The following GSK3B variants were observed in gnomAD, a reference collection of about 807,000 sequenced individuals.
The protein encoded by GSK3B is glycogen synthase kinase-3 beta.
Under a neutral mutation model 56.4 loss-of-function variants are expected in GSK3B, and 15 were observed. The observed-to-expected ratio is 0.27, with a 90% CI of 0.18 to 0.41. The LOEUF (loss-of-function observed/expected upper bound fraction) is 0.41. GSK3B is among the 10% of genes least tolerant of loss of function. The pLI, the probability that GSK3B is intolerant of heterozygous loss-of-function variation, is 1.00. For missense variants in GSK3B, 300 were observed against 513.4 expected (o/e 0.58, Z 4.02); for synonymous variants, 181 against 188.9 (o/e 0.96, Z 0.34).
chr3:120,046,192 A>T (rs2058101467), intron 1 of GSK3B, among the ~76,000 whole-genome samples: 3 of 152,230 alleles, frequency 2.0e-5, no homozygotes, highest in Admixed American at 2.0e-4. Context: ...TCGTGGATAC[A>T]TGACATTATG....
chr3:119,900,899 T>G (rs1329491324), intron 7 of GSK3B, among the ~76,000 whole-genome samples: 1 of 152,178 alleles, frequency 6.6e-6, no homozygotes, highest in Non-Finnish European at 1.5e-5. Flanking sequence ...CATGATGTGC[T>G]AGAACAGTAA....
chr3:120,011,836 T>C (rs1389858137), intron 1 of GSK3B, among the ~76,000 whole-genome samples: 1 of 152,222 alleles, frequency 6.6e-6, no homozygotes, highest in African/African-American at 2.4e-5. Flanking sequence ...ATCCCATTCA[T>C]TGTTTCATCT....
At chr3:119,886,932 T>C (rs1344278629) in intron 7 of GSK3B, among the ~76,000 whole-genome samples, 2 of 152,018 alleles carry the variant, frequency 1.3e-5, no homozygotes, top group African/African-American at 2.4e-5. Flanking sequence ...GAAAAGATCA[T>C]TCATACCTCA....
chr3:119,936,381 C>T (rs2056995396), intron 3 of GSK3B, among the ~76,000 whole-genome samples: 1 of 146,408 alleles, frequency 6.8e-6, no homozygotes, highest in Non-Finnish European at 1.5e-5. Flanking sequence ...AAGTCTCGCT[C>T]TGTCACCCAG....
chr3:119,870,594 CAAAT>C, intron 8 of GSK3B, among the ~76,000 whole-genome samples: 1 of 151,816 alleles, frequency 6.6e-6, no homozygotes, highest in East Asian at 1.9e-4. Context: ...TTCCAGCAAA[CAAAT>C]AAAAATATAT....
chr3:119,898,565 T>C (rs1389549179), intron 7 of GSK3B, among the ~76,000 whole-genome samples: 1 of 152,142 alleles, frequency 6.6e-6, no homozygotes, highest in African/African-American at 2.4e-5. Flanking sequence ...GGGTATCAAG[T>C]TGACATTAAG....
At chr3:119,848,239 G>C (rs1202695971) in intron 9 of GSK3B, among the ~76,000 whole-genome samples, 1 of 152,054 alleles carries the variant, frequency 6.6e-6, no homozygotes, top group African/African-American at 2.4e-5. Context: ...GGATAACCCT[G>C]GTTTATGCTT....
intron 8 of GSK3B, among the ~76,000 whole-genome samples, chr3:119,866,335 G>T (rs1559814861): frequency 6.6e-6 from 1 of 152,022 alleles, no homozygotes; most frequent in Non-Finnish European, 1.5e-5. Flanking sequence ...TCTTGTAATA[G>T]AAATAATAAT....
At chr3:119,883,247 T>C (rs1229598036) in intron 7 of GSK3B, among the ~76,000 whole-genome samples, 1 of 151,938 alleles carries the variant, frequency 6.6e-6, no homozygotes, top group Non-Finnish European at 1.5e-5. Context: ...TAAAAAATAC[T>C]AAAAATTCAA....
In GSK3B at chr3:119,905,738, T is replaced by G. The variant is rs1179878456; in HGVS notation, c.813+17A>C. Reference sequence around the variant, plus strand: ...AAAATTCCTTCCAGTTCAAATATTCTGATTCAACCTTCTCACCTTGATTAT... The same window carrying G: ...AAAATTCCTTCCAGTTCAAATATTCGGATTCAACCTTCTCACCTTGATTAT... On this transcript the variant is annotated intron_variant, in intron 7 of 10. Coordinates refer to ENST00000264235, the MANE Select transcript of GSK3B (RefSeq NM_001146156.2). 32 of 1,328,976 alleles carry G rather than the reference T, an allele frequency of 2.4e-5. No homozygotes were observed. Among genetic ancestry groups the G allele is most frequent in the Non-Finnish European group, 3.5e-5 (32 of 919,992 alleles). 82.3% of individuals were successfully genotyped at this position (1,328,976 alleles called of 1,614,324 possible). A position where few individuals can be genotyped will look rare whatever the true frequency, so the allele number is the denominator to read the frequency against.
In GSK3B at chr3:119,915,714, C is replaced by T. The variant is rs1214501695; in HGVS notation, c.608+330G>A. Among the ~76,000 whole-genome samples, 4 of 152,060 alleles carry T rather than the reference C, an allele frequency of 2.6e-5. No individual in the cohort carries two copies. The East Asian group carries it at 7.7e-4, about 29-fold the overall frequency. On this transcript the variant is annotated intron_variant, in intron 5 of 10. Coordinates refer to ENST00000264235, the MANE Select transcript of GSK3B (RefSeq NM_001146156.2). Reference sequence around the variant, plus strand: ...TTCTTTTTCATGGTTGCATGTATTACTCTGCATGTACCGTAATTTATTTAG... The same window carrying T: ...TTCTTTTTCATGGTTGCATGTATTATTCTGCATGTACCGTAATTTATTTAG...
chr3:119,984,955 A>C (rs545608630), intron 2 of GSK3B, among the ~76,000 whole-genome samples: 2 of 152,332 alleles, frequency 1.3e-5, no homozygotes, highest in East Asian at 3.9e-4. Flanking sequence ...AATATTGGCA[A>C]ATTGAATCCA....
At chr3:120,085,808 GA>G (rs959241810) in intron 1 of GSK3B, among the ~76,000 whole-genome samples, 98 of 137,836 alleles carry the variant, frequency 7.1e-4, no homozygotes, top group East Asian at 1.7e-3. Flanking sequence ...TCCGTCTTGA[GA>G]AAAAAAAAAA....
intron 8 of GSK3B, among the ~76,000 whole-genome samples, chr3:119,869,832 G>A (rs1344008241): frequency 6.6e-6 from 1 of 152,172 alleles, no homozygotes; most frequent in African/African-American, 2.4e-5. Context: ...ATGACTGGCT[G>A]TATATATGTA....
At chr3:119,864,572 T>C (rs1434802600) in intron 8 of GSK3B, among the ~76,000 whole-genome samples, 1 of 151,734 alleles carries the variant, frequency 6.6e-6, no homozygotes, top group Non-Finnish European at 1.5e-5. Context: ...ACGATGGAGG[T>C]GGGCAGAGAA....
chr3:119,894,346 T>C (rs2056538384), intron 7 of GSK3B, among the ~76,000 whole-genome samples: 1 of 152,132 alleles, frequency 6.6e-6, no homozygotes, highest in South Asian at 2.1e-4. Flanking sequence ...CCAAACTTGT[T>C]CAAGGTTTGC....
rs2058418794 is a variant in GSK3B at position 120,081,404 on chromosome 3, G to A, written c.88+11943C>T. Among the ~76,000 whole-genome samples, 2 of 152,064 alleles carry A rather than the reference G, an allele frequency of 1.3e-5. 1 individual carries two copies. Among genetic ancestry groups the A allele is most frequent in the South Asian group, 4.1e-4 (2 of 4,828 alleles). ...TCTACTAAAAATACAAAAACTAGCT[G>A]GGCGTGGTGGTGCATGCCTGTAGTC... On this transcript the variant is annotated intron_variant, in intron 1 of 10. Transcript: ENST00000264235.
At chr3:120,049,720 C>G (rs1406785936) in intron 1 of GSK3B, among the ~76,000 whole-genome samples, 1 of 152,122 alleles carries the variant, frequency 6.6e-6, no homozygotes, top group Non-Finnish European at 1.5e-5. Flanking sequence ...TGGGGTAGGA[C>G]AGAAGAATAG....
At chr3:119,839,145 AT>A (rs1485114513) in intron 10 of GSK3B, among the ~76,000 whole-genome samples, 2 of 152,234 alleles carry the variant, frequency 1.3e-5, no homozygotes, top group Non-Finnish European at 2.9e-5. Context: ...TTAGGCCACA[AT>A]CTGGGTATGA....
Sources: gnomAD v4.1 joint callset for allele counts (sites outside exome capture counted in the v4.1 genomes callset) on GRCh38, gnomAD v4.1.1 for gene constraint, MANE v1.5 for transcripts, NCBI Gene and HGNC (gene_info 2026-07-23, HGNC 2026-07-21) for gene names.